LCT: variants seen among roughly 807,000 people sequenced by gnomAD.
LCT encodes lactase/phlorizin hydrolase.
LCT carries 90 observed loss-of-function variants against 173.0 expected under a neutral mutation model. That is an observed-to-expected ratio of 0.52 (90% confidence interval 0.44 to 0.62). LCT has a LOEUF of 0.62. Ranked by LOEUF, LCT falls within the 20% of genes least tolerant of loss-of-function variation. The probability of loss-of-function intolerance (pLI) is 0.00; values close to 1 mark genes in which losing one functional copy is unlikely to be tolerated. For synonymous variants in LCT, 853 were observed against 957.6 expected (o/e 0.89, Z 2.02); for missense variants, 1,864 against 2,431.4 (o/e 0.77, Z 4.91).
chr2:135,789,794 C>T lies in LCT; in HGVS notation c.5340G>A (p.Val1780=), dbSNP rs752438759. 6.2e-7 allele frequency: 1 copy of T among 1,613,382 alleles called. No individual in the cohort carries two copies. Among genetic ancestry groups the T allele is most frequent in the Non-Finnish European group, 8.5e-7 (1 of 1,179,372 alleles). ...ATCCTCGAAGGTCCACCTTGTCCTG[C>T]ACAGCTGCTCAAACACAGAGGACTA... is the stretch of plus-strand genomic sequence containing the variant. ...RTYINEALKA[V]QDKVDLRGYT... is the part of the protein sequence containing the mutation. Residue 1780 remains valine (V), a synonymous_variant, in exon 16 of 17, where the codon GTG becomes GTA. Transcript: ENST00000264162.
chr2:135,825,375 A>AC (rs1312572847), intron 3 of LCT, among the ~76,000 whole-genome samples: 5 of 152,346 alleles, frequency 3.3e-5, no homozygotes, highest in African/African-American at 1.2e-4. Flanking sequence ...GACTCCACAC[A>AC]GTCCTCATCC....
Position 135,790,779 on chromosome 2 carries a change from C to T in LCT, c.5214G>A (p.Glu1738=). The T allele has an allele frequency of 1.9e-6, 3 of 1,614,006 alleles. No individual in the cohort carries two copies. Among genetic ancestry groups the T allele is most frequent in the Non-Finnish European group, 2.5e-6 (3 of 1,179,938 alleles). Residue 1738 remains glutamate, a synonymous_variant, in exon 15 of 17, where the codon GAG becomes GAA. Coordinates refer to ENST00000264162, the MANE Select transcript of LCT (RefSeq NM_002299.4). This position sits in a 1 kb window ranked among gnomAD's most constrained non-coding sequence, Gnocchi z 4.1. ...CATAAATTGGAGGGTCATTGTATTC[C>T]TCCTTTAACCAGTTCAGGATCCTCC... The part of the protein sequence containing the change: ...GFRRILNWLK[E]EYNDPPIYVT...
chr2:135,835,246 C>A (rs1472765695), intron 1 of LCT, among the ~76,000 whole-genome samples: 1 of 151,730 alleles, frequency 6.6e-6, no homozygotes, highest in African/African-American at 2.4e-5. Context: ...TCAAGTTTTT[C>A]TTTTGTTTTA....
At chr2:135,811,204 A>G (rs1482305942) in intron 7 of LCT, among the ~76,000 whole-genome samples, 1 of 152,046 alleles carries the variant, frequency 6.6e-6, no homozygotes, top group African/African-American at 2.4e-5. Context: ...TAAAAAAATT[A>G]AAATTAAAAT....
At chr2:135,794,058 G>C (rs1418424834) in intron 14 of LCT, among the ~76,000 whole-genome samples, 1 of 151,904 alleles carries the variant, frequency 6.6e-6, no homozygotes, top group Non-Finnish European at 1.5e-5. Flanking sequence ...GGAATCACTG[G>C]AACCCGGGTG....
intron 7 of LCT, 73 bp from the exon 8 acceptor site, chr2:135,810,066 GC>G: frequency 9.3e-7 from 1 of 1,075,778 alleles, no homozygotes; most frequent in Non-Finnish European, 1.4e-6. Flanking sequence ...TCACTGTATT[GC>G]CCAGGCTGGT....
rs1452916072 is a variant in LCT, at chr2:135,808,776, C to T, written c.3571G>A (p.Glu1191Lys). 1 of 1,613,756 alleles carries T rather than the reference C, an allele frequency of 6.2e-7. No homozygotes were observed. The highest frequency in any genetic ancestry group is 8.5e-7 in the Non-Finnish European group (1 of 1,179,670). ...GCCCTGATGAACCTCTTCTCTTCCT[C>T]AGTGAAGCTTGGCAGGCGGGAGGTG... ...LATSRLPSFT[E>K]EEKRFIRATA... Residue 1191 changes from glutamate to lysine, a missense_variant, in exon 8 of 17, where the codon GAG (glutamate) becomes AAG (lysine). Around this residue, in one of 4 missense-constraint regions of LCT, gnomAD observed 755 missense variants for 926.3 expected, o/e 0.82. Coordinates refer to ENST00000264162, the MANE Select transcript of LCT (RefSeq NM_002299.4).
chr2:135,795,955 C>T (rs920290292), intron 13 of LCT, among the ~76,000 whole-genome samples: 1 of 151,854 alleles, frequency 6.6e-6, no homozygotes, highest in African/African-American at 2.4e-5. Flanking sequence ...AAGACAAAGT[C>T]TCACTATATT....
chr2:135,797,976 C>T, intron 13 of LCT, 53 bp downstream of exon 13: 2 of 969,384 alleles, frequency 2.1e-6, no homozygotes, highest in Non-Finnish European at 1.7e-6. Flanking sequence ...CCGAGACATG[C>T]CTCTGTGACC....
In LCT at chr2:135,812,847, G is replaced by T. The variant is rs1410039851; in HGVS notation, c.1817C>A (p.Ala606Glu). ...AGGCCTCTCTGGAGACAGGGGTTCT[G>T]CCCAGTCTGAGTTCAGCACAATGCC... ...HVGIVLNSDW[A>E]EPLSPERPED... The change falls in exon 7 of 17, where the codon GCA becomes GAA. Residue 606 changes from alanine (A) to glutamate (E), a missense_variant. By Grantham distance (107) the Ala-to-Glu change is moderately radical. Around this residue, in one of 4 missense-constraint regions of LCT, gnomAD observed 755 missense variants for 926.3 expected, o/e 0.82. Transcript: ENST00000264162. The T allele has an allele frequency of 1.2e-6, 2 of 1,614,196 alleles. No homozygotes were observed. The highest frequency in any genetic ancestry group is 1.7e-5 in the Admixed American group (1 of 60,018).
intron 11 of LCT, among the ~76,000 whole-genome samples, chr2:135,802,008 G>T (rs1037062403): frequency 3.3e-5 from 5 of 152,124 alleles, no homozygotes; most frequent in Admixed American, 2.6e-4. Context: ...GGAGCTCCTT[G>T]GGGACCCATT....
At chr2:135,826,140 T>A (rs1051515012) in intron 3 of LCT, among the ~76,000 whole-genome samples, 4 of 152,204 alleles carry the variant, frequency 2.6e-5, no homozygotes, top group African/African-American at 9.6e-5. Flanking sequence ...AAGGAATAGA[T>A]AACCATTGCA....
chr2:135,814,853 G>T (rs2077766697), intron 6 of LCT, among the ~76,000 whole-genome samples: 1 of 152,046 alleles, frequency 6.6e-6, no homozygotes, highest in Admixed American at 6.6e-5. Flanking sequence ...CTTAATAGTT[G>T]CTATGAACTG....
chr2:135,794,542 G>C lies in LCT; in HGVS notation c.5111+99C>G, dbSNP rs1005029889. 7.1e-6 allele frequency: 9 copies of C among 1,273,250 alleles called. No homozygotes were observed. In the African/African-American group the frequency reaches 1.0e-4, roughly 15 times the overall value. 78.9% of individuals were successfully genotyped at this position (1,273,250 alleles called of 1,614,324 possible). A position where few individuals can be genotyped will look rare whatever the true frequency, so the allele number is the denominator to read the frequency against. ...AAACCCCGGCACATTCGGCGTTGGA[G>C]GCCCTGTTTTGAGGCTGGGCAGGCC... On this transcript the variant is annotated intron_variant, in intron 14 of 16. Transcript: ENST00000264162.
intron 9 of LCT, 69 bp from the exon 10 acceptor site, chr2:135,805,126 G>T: frequency 7.0e-7 from 1 of 1,421,734 alleles, no homozygotes; most frequent in Non-Finnish European, 9.9e-7. Context: ...TTCTTTCACT[G>T]GGTGAGTCTC....
chr2:135,809,647 G>C lies in LCT; in HGVS notation c.2700C>G (p.His900Gln). 1 of 1,614,216 alleles carries C rather than the reference G, an allele frequency of 6.2e-7. No individual in the cohort carries two copies. The highest frequency in any genetic ancestry group is 8.5e-7 in the Non-Finnish European group (1 of 1,180,050). The change falls in exon 8 of 17, where the codon CAC (histidine) becomes CAG (glutamine). Residue 900 changes from histidine to glutamine, a missense_variant. Physicochemically the swap from His to Gln is conservative, Grantham distance 24. This residue lies in a region of LCT where 755 missense variants were observed against 926.3 expected (regional missense o/e 0.82). Transcript: ENST00000264162. The surrounding 1 kb of genome is among the most constrained non-coding windows in gnomAD (Gnocchi z 5.5). Reference sequence around the variant, plus strand: ...ACAGAAAGTCATCCCGAAACGTCCCGTGGTAGAACAAATCTCTTTCGAACT... The same window carrying C: ...ACAGAAAGTCATCCCGAAACGTCCCCTGGTAGAACAAATCTCTTTCGAACT... ...QPKFERDLFY[H>Q]GTFRDDFLWG...
chr2:135,805,412 T>C (rs2077663348), intron 9 of LCT, among the ~76,000 whole-genome samples: 2 of 152,194 alleles, frequency 1.3e-5, no homozygotes, highest in Admixed American at 1.3e-4. Flanking sequence ...GGCCCACTCT[T>C]GCACAGAGAC....
At chr2:135,793,114 G>A (rs1339491531) in intron 14 of LCT, among the ~76,000 whole-genome samples, 1 of 152,308 alleles carries the variant, frequency 6.6e-6, no homozygotes, top group Admixed American at 6.5e-5. Flanking sequence ...CTAACCAGAG[G>A]TCCTGAGTCT....
intron 2 of LCT, among the ~76,000 whole-genome samples, chr2:135,830,017 C>T (rs1206724013): frequency 6.6e-6 from 1 of 152,142 alleles, no homozygotes; most frequent in East Asian, 1.9e-4. Context: ...AGTTAGAGGC[C>T]AGTGCTGCCC....
Sources: allele counts gnomAD v4.1 joint callset (sites outside exome capture counted in the v4.1 genomes callset), GRCh38; gene constraint gnomAD v4.1.1; regional missense constraint gnomAD v4.1.1; non-coding constraint Gnocchi (gnomAD v3.1); transcripts MANE v1.5; gene names NCBI Gene and HGNC (gene_info 2026-07-23, HGNC 2026-07-21).